The following INTS12 variants were observed in gnomAD, a reference collection of about 807,000 sequenced individuals.
The protein encoded by INTS12 is PHD finger protein 22.
A neutral mutation model predicts 41.6 loss-of-function variants in INTS12; 13 were observed. That is an observed-to-expected ratio of 0.31 (90% CI 0.20 to 0.50). The LOEUF (loss-of-function observed/expected upper bound fraction) is 0.50. INTS12 is among the 20% of genes least tolerant of loss of function. The probability of loss-of-function intolerance (pLI) is 0.98; values close to 1 mark genes in which losing one functional copy is unlikely to be tolerated. For synonymous variants in INTS12, 199 were observed against 191.4 expected, an observed-to-expected ratio of 1.04 and a Z score of -0.33; for missense variants, 432 against 541.6, an observed-to-expected ratio of 0.80 and a Z score of 2.01.
At chr4:105,702,989 T>C (rs1732135687) in intron 2 of INTS12, 2 of 985,078 alleles carry the variant, frequency 2.0e-6, no homozygotes, top group Non-Finnish European at 2.4e-6. Context: ...ACAGCAGTCA[T>C]AAAGAGGTCA....
At chr4:105,702,554 A>T (rs1483626364) in intron 2 of INTS12, among the ~76,000 whole-genome samples, 1 of 152,168 alleles carries the variant, frequency 6.6e-6, no homozygotes, top group Non-Finnish European at 1.5e-5. Flanking sequence ...TGAAATCTGA[A>T]ACTTGCCACA....
intron 2 of INTS12, among the ~76,000 whole-genome samples, chr4:105,700,523 T>C (rs1380313523): frequency 6.6e-6 from 1 of 151,892 alleles, no homozygotes; most frequent in Non-Finnish European, 1.5e-5. Context: ...TGCTGCCACT[T>C]TTACCTCAAC....
At chr4:105,704,641 G>C (rs1020595696) in intron 1 of INTS12, among the ~76,000 whole-genome samples, 1 of 152,170 alleles carries the variant, frequency 6.6e-6, no homozygotes, top group African/African-American at 2.4e-5. Flanking sequence ...GCTTGACATG[G>C]ATATATCATT....
At chr4:105,702,472 A>G (rs1344784341) in intron 2 of INTS12, among the ~76,000 whole-genome samples, 3 of 152,166 alleles carry the variant, frequency 2.0e-5, no homozygotes, top group Admixed American at 6.5e-5. Flanking sequence ...TTAAAAATCT[A>G]TTCATATACA....
intron 6 of INTS12, 142 bp downstream of exon 6, chr4:105,691,834 T>C (rs1731697178): frequency 1.6e-5 from 9 of 553,756 alleles, no homozygotes; most frequent in Non-Finnish European, 2.6e-5. Flanking sequence ...TAATCACATG[T>C]ACATACTATA....
At chr4:105,702,103 T>C (rs1405273637) in intron 2 of INTS12, among the ~76,000 whole-genome samples, 5 of 151,248 alleles carry the variant, frequency 3.3e-5, no homozygotes, top group Non-Finnish European at 7.4e-5. Context: ...GAGAAAAAAA[T>C]ATTAACTTTT....
intron 2 of INTS12, among the ~76,000 whole-genome samples, chr4:105,702,637 G>A (rs1379295410): frequency 6.6e-6 from 1 of 151,970 alleles, no homozygotes; most frequent in Non-Finnish European, 1.5e-5. Context: ...CTCTTCCACT[G>A]CCTTAATCCA....
chr4:105,691,301 C>T (rs1007902799), intron 6 of INTS12, among the ~76,000 whole-genome samples: 1 of 151,946 alleles, frequency 6.6e-6, no homozygotes, highest in African/African-American at 2.4e-5. Flanking sequence ...TTCTTGTTTT[C>T]TTTAAAAGAA....
intron 6 of INTS12, among the ~76,000 whole-genome samples, chr4:105,687,860 G>A (rs1731550203): frequency 6.6e-6 from 1 of 152,128 alleles, no homozygotes; most frequent in African/African-American, 2.4e-5. Context: ...GGTTGAGGCA[G>A]GAGAATTGCT....
At chr4:105,684,525 A>C (rs1019391689) in intron 7 of INTS12, among the ~76,000 whole-genome samples, 3 of 152,080 alleles carry the variant, frequency 2.0e-5, no homozygotes, top group African/African-American at 2.4e-5. Flanking sequence ...ATACATTTTT[A>C]ATCAATGTGA....
Position 105,695,393 on chromosome 4 carries a change from G to A in INTS12, c.309+123C>T, listed in dbSNP as rs569838270. 7.3e-4 allele frequency: 466 copies of A among 640,924 alleles called. 1 individual carries two copies. Among genetic ancestry groups the A allele is most frequent in the Non-Finnish European group, 1.0e-3 (414 of 400,814 alleles). The allele number at this position is 640,924 out of a possible 1,614,324, so 39.7% of individuals were successfully genotyped here. ...ATAGCTATCAATATATATTCACTGA[G>A]TGTTGATTATTATATACCTATACCC... is the stretch of plus-strand genomic sequence containing the variant. On this transcript the variant is annotated intron_variant, in intron 4 of 7. Transcript: ENST00000340139.
rs1163439810 is a variant in INTS12, at chr4:105,695,556, T to A, written c.269A>T (p.Glu90Val). 6.2e-7 allele frequency: 1 copy of A among 1,612,082 alleles called. No homozygotes were observed. Among genetic ancestry groups the A allele is most frequent in the African/African-American group, 1.3e-5 (1 of 74,846 alleles). ...GNNNGKVLTT[E>V]KVKKEAEKRP... ...CTTTTCAGCTTCCTTCTTTACCTTTTCAGTTGTGAGGACCTTGCCATTATT... is the reference window on the plus strand; with the variant it reads ...CTTTTCAGCTTCCTTCTTTACCTTTACAGTTGTGAGGACCTTGCCATTATT... Residue 90 changes from glutamate (E) to valine (V), a missense_variant, in exon 4 of 8, where the codon GAA (glutamate) becomes GTA (valine). This residue lies in a region of INTS12 where 168 missense variants were observed against 198.9 expected (regional missense o/e 0.84). Coordinates refer to ENST00000340139, the MANE Select transcript of INTS12 (RefSeq NM_020395.4).
Position 105,686,751 on chromosome 4 carries a change from G to C in INTS12, c.745C>G (p.Pro249Ala). ...PAVKDPLVKK[P>A]ETKLKQETTF... ...GTCTCTTGTTTCAGTTTAGTTTCTGGTTTCTTAACCAATGGATCTTTGACA... is the reference window on the plus strand; with the variant it reads ...GTCTCTTGTTTCAGTTTAGTTTCTGCTTTCTTAACCAATGGATCTTTGACA... The change falls in exon 7 of 8, where the codon CCA becomes GCA. Residue 249 changes from proline (P) to alanine (A), a missense_variant. Around this residue, in one of 3 missense-constraint regions of INTS12, gnomAD observed 258 missense variants for 309.9 expected, o/e 0.83. Coordinates refer to ENST00000340139, the MANE Select transcript of INTS12 (RefSeq NM_020395.4). The C allele has an allele frequency of 1.2e-6, 2 of 1,613,386 alleles. No individual in the cohort carries two copies. The highest frequency in any genetic ancestry group is 1.7e-6 in the Non-Finnish European group (2 of 1,179,660).
chr4:105,692,269 A>T (rs563282765), intron 5 of INTS12, 134 bp from the exon 6 acceptor site: 1 of 759,062 alleles, frequency 1.3e-6, no homozygotes, highest in South Asian at 1.8e-5. Flanking sequence ...GGATCATTTG[A>T]AGTCAGGAGT....
intron 3 of INTS12, among the ~76,000 whole-genome samples, chr4:105,696,490 C>T (rs1214066929): frequency 6.6e-6 from 1 of 152,124 alleles, no homozygotes; most frequent in Non-Finnish European, 1.5e-5. Context: ...TTCTTCTACT[C>T]AGCATATTTA....
At chr4:105,707,911 C>T in intron 1 of INTS12, 1 of 968,260 alleles carries the variant, frequency 1.0e-6, no homozygotes, top group Non-Finnish European at 1.2e-6. Flanking sequence ...ATCCATTTTT[C>T]ACCCTACCTG....
intron 1 of INTS12, 97 bp downstream of exon 1, chr4:105,708,541 A>C: frequency 1.0e-6 from 1 of 985,286 alleles, no homozygotes; most frequent in Non-Finnish European, 1.2e-6. Context: ...GGAGCGAGGA[A>C]ACTAATACCC....
intron 3 of INTS12, among the ~76,000 whole-genome samples, chr4:105,696,379 C>T (rs190561206): frequency 1.3e-4 from 20 of 152,266 alleles, no homozygotes; most frequent in Admixed American, 1.3e-3. Flanking sequence ...AAAAATATGT[C>T]TCCCATCATC....
At chr4:105,685,312 TA>T (rs1731464769) in intron 7 of INTS12, among the ~76,000 whole-genome samples, 1 of 152,080 alleles carries the variant, frequency 6.6e-6, no homozygotes, top group Non-Finnish European at 1.5e-5. Flanking sequence ...TTTCTAAAAA[TA>T]AACTTTAGTA....
Sources: gnomAD v4.1 joint callset for allele counts (sites outside exome capture counted in the v4.1 genomes callset) on GRCh38, gnomAD v4.1.1 for gene constraint, gnomAD v4.1.1 regional missense constraint, MANE v1.5 for transcripts, NCBI Gene and HGNC (gene_info 2026-07-23, HGNC 2026-07-21) for gene names.